The following RYR2 variants were observed in gnomAD, a reference collection of about 807,000 sequenced individuals.
RYR2 encodes the protein cardiac muscle ryanodine receptor-calcium release channel.
Under a neutral mutation model 601.1 loss-of-function variants are expected in RYR2, and 227 were observed. The ratio of observed to expected loss-of-function variants is 0.38; its 90% CI spans 0.34 to 0.42. The LOEUF is 0.42. Ranked by LOEUF, RYR2 falls within the 10% of genes least tolerant of loss-of-function variation. The probability of loss-of-function intolerance (pLI) is 1.00; values close to 1 mark genes in which losing one functional copy is unlikely to be tolerated. For missense variants in RYR2, 4,646 were observed against 6,156.5 expected (o/e 0.75, Z 8.21); for synonymous variants, 2,223 against 2,175.1 (o/e 1.02, Z -0.61).
At chr1:237,571,878 T>A (rs141424740) in intron 29 of RYR2, among the ~76,000 whole-genome samples, 2,542 of 152,304 alleles carry the variant, frequency 0.017, 28 homozygotes, top group Non-Finnish European at 0.027. Flanking sequence ...GATACAGGCA[T>A]GCAATGGGTA....
chr1:237,098,868 G>A (rs1332257532), intron 1 of RYR2, among the ~76,000 whole-genome samples: 3 of 152,198 alleles, frequency 2.0e-5, no homozygotes, highest in East Asian at 3.9e-4. Context: ...TGAAAGAGAA[G>A]TCCATGTGAT....
intron 34 of RYR2, among the ~76,000 whole-genome samples, chr1:237,598,064 T>C (rs1355940495): frequency 1.3e-5 from 2 of 152,026 alleles, no homozygotes; most frequent in Non-Finnish European, 2.9e-5. Context: ...TCAAAAAATG[T>C]AAAAAAGAGT....
intron 23 of RYR2, 73 bp from the exon 24 acceptor site, chr1:237,511,615 C>T (rs1419806496): frequency 1.8e-5 from 22 of 1,197,504 alleles, no homozygotes; most frequent in Admixed American, 7.9e-5. Context: ...CCACTTTCTA[C>T]CACACAGTTG....
chr1:237,229,659 G>T lies in RYR2; in HGVS notation c.49-40838G>T, dbSNP rs138663668. 2.6e-5 allele frequency among the ~76,000 whole-genome samples: 4 copies of T among 152,312 alleles called. No individual in the cohort carries two copies. The East Asian group carries it at 7.7e-4, about 29-fold the overall frequency. The stretch of plus-strand genomic sequence containing the variant: ...ATGCTCCACACACCAGGCCTAAAGT[G>T]GCTGCGGGGGTGGGGAAGGTGGCAT... On this transcript the variant is annotated intron_variant, in intron 1 of 104. Transcript: ENST00000366574.
chr1:237,397,957 G>A (rs1345075806), intron 10 of RYR2, among the ~76,000 whole-genome samples: 1 of 151,928 alleles, frequency 6.6e-6, no homozygotes, highest in Non-Finnish European at 1.5e-5. Flanking sequence ...TCCTGACCTC[G>A]TGATCCACCC....
At chr1:237,585,074 G>A (rs184729054) in intron 29 of RYR2, among the ~76,000 whole-genome samples, 23 of 152,070 alleles carry the variant, frequency 1.5e-4, no homozygotes, top group Middle Eastern at 6.8e-3. Flanking sequence ...ACACCACCAC[G>A]CTTGTTTGTT....
chr1:237,782,631 G>A (rs909094515), intron 89 of RYR2, among the ~76,000 whole-genome samples: 10 of 152,184 alleles, frequency 6.6e-5, no homozygotes, highest in East Asian at 1.9e-4. Context: ...GCATGGCCCC[G>A]ATTCGAATTT....
intron 3 of RYR2, among the ~76,000 whole-genome samples, chr1:237,349,415 A>T (rs1476986531): frequency 6.6e-6 from 1 of 152,188 alleles, no homozygotes; most frequent in Non-Finnish European, 1.5e-5. Context: ...GAGATAATTT[A>T]GATACAGGAG....
chr1:237,501,128 G>A (rs900245327), intron 21 of RYR2, among the ~76,000 whole-genome samples: 4 of 151,050 alleles, frequency 2.6e-5, no homozygotes, highest in African/African-American at 9.7e-5. Flanking sequence ...GTGTTTAGAT[G>A]TGGGCAGTCT....
chr1:237,451,311 C>T (rs1056428023), intron 14 of RYR2, among the ~76,000 whole-genome samples: 4 of 152,088 alleles, frequency 2.6e-5, no homozygotes, highest in Non-Finnish European at 5.9e-5. Context: ...TGGCTCACAC[C>T]TGTAATCGTA....
intron 89 of RYR2, among the ~76,000 whole-genome samples, 159 bp downstream of exon 89, chr1:237,781,805 T>G (rs567855694): frequency 9.2e-5 from 14 of 152,182 alleles, no homozygotes; most frequent in Admixed American, 8.5e-4. Flanking sequence ...TCACATTAGT[T>G]TTTTTTTAAA....
At chr1:237,117,736 T>TCTTCTCTTCTCTTCTCTTCTCTTCC (rs1670286634) in intron 1 of RYR2, among the ~76,000 whole-genome samples, 1 of 142,764 alleles carries the variant, frequency 7.0e-6, no homozygotes, top group African/African-American at 2.7e-5. Context: ...TCTTCTCTTC[T>TCTTCTCTTCTCTTCTCTTCTCTTCC]CTTCTCTTCT....
chr1:237,134,427 A>T (rs912420780), intron 1 of RYR2, among the ~76,000 whole-genome samples: 1 of 152,104 alleles, frequency 6.6e-6, no homozygotes, highest in Non-Finnish European at 1.5e-5. Context: ...AGAGCAAGGG[A>T]TGTCTTATAT....
intron 1 of RYR2, among the ~76,000 whole-genome samples, chr1:237,110,045 T>C (rs1209528273): frequency 1.3e-5 from 2 of 152,136 alleles, no homozygotes; most frequent in Non-Finnish European, 2.9e-5. Flanking sequence ...CGTGGAAATG[T>C]TGGGTTGTGC....
At chr1:237,828,352 G>A (rs1334889502) in intron 101 of RYR2, 29 bp from the exon 102 acceptor site, 1 of 1,468,190 alleles carries the variant, frequency 6.8e-7, no homozygotes, top group Non-Finnish European at 9.3e-7. Context: ...GCTTGATAAA[G>A]ATTAAATTGT....
chr1:237,437,005 C>A (rs1375049061), intron 12 of RYR2, among the ~76,000 whole-genome samples: 1 of 150,832 alleles, frequency 6.6e-6, no homozygotes, highest in Non-Finnish European at 1.5e-5. Context: ...TCAGACCAAT[C>A]GTTTTTACAT....
At chr1:237,695,236 ATTTG>A (rs1372293501) in intron 63 of RYR2, among the ~76,000 whole-genome samples, 14 of 152,184 alleles carry the variant, frequency 9.2e-5, no homozygotes, top group Non-Finnish European at 1.3e-4. Context: ...AGTTGTTATA[ATTTG>A]TTTAAAACCC....
chr1:237,232,187 C>G (rs1685070444), intron 1 of RYR2, among the ~76,000 whole-genome samples: 1 of 152,126 alleles, frequency 6.6e-6, no homozygotes, highest in African/African-American at 2.4e-5. Flanking sequence ...GCTTGCAGAA[C>G]CTAGGTAGCT....
At chr1:237,692,432 G>A (rs1460835252) in intron 63 of RYR2, among the ~76,000 whole-genome samples, 4 of 152,080 alleles carry the variant, frequency 2.6e-5, no homozygotes, top group Admixed American at 6.5e-5. Flanking sequence ...ACACTTCTCT[G>A]ATTACACTCC....
Sources: gnomAD v4.1 joint callset for allele counts (sites outside exome capture counted in the v4.1 genomes callset) on GRCh38, gnomAD v4.1.1 for gene constraint, MANE v1.5 for transcripts, NCBI Gene and HGNC (gene_info 2026-07-23, HGNC 2026-07-21) for gene names.